Variants in ARHGAP24 observed in about 807,000 individuals in gnomAD.
ARHGAP24 encodes the protein rho GTPase-activating protein 24.
Under a neutral mutation model 76.4 loss-of-function variants are expected in ARHGAP24, and 50 were observed. The ratio of observed to expected loss-of-function variants is 0.65; its 90% confidence interval spans 0.52 to 0.83. The LOEUF is 0.83. Among genes scored for constraint, ARHGAP24 ranks in the 40% least tolerant of loss-of-function variants. The probability of loss-of-function intolerance (pLI) is 0.00; values close to 1 mark genes in which losing one functional copy is unlikely to be tolerated. For synonymous variants in ARHGAP24, 345 were observed against 323.3 expected, an observed-to-expected ratio of 1.07 and a Z score of -0.72; for missense variants, 930 against 914.2, an observed-to-expected ratio of 1.02 and a Z score of -0.22.
At chr4:85,740,839 T>C (rs895309967) in intron 3 of ARHGAP24, among the ~76,000 whole-genome samples, 4 of 152,188 alleles carry the variant, frequency 2.6e-5, no homozygotes, top group South Asian at 2.1e-4. Flanking sequence ...TGTTGTCTTA[T>C]AGATGCAGCT....
chr4:85,720,103 G>A (rs1221991675), intron 2 of ARHGAP24, among the ~76,000 whole-genome samples: 9 of 151,234 alleles, frequency 6.0e-5, no homozygotes, highest in East Asian at 5.9e-4. Flanking sequence ...ATCACCCACC[G>A]GGGCCTGTTG....
intron 5 of ARHGAP24, among the ~76,000 whole-genome samples, chr4:85,964,041 G>A (rs1738425642): frequency 6.6e-6 from 1 of 152,034 alleles, no homozygotes; most frequent in African/African-American, 2.4e-5. Context: ...GTGGAGGTGA[G>A]TAATATAAAC....
chr4:85,824,566 A>T (rs377466978), intron 3 of ARHGAP24, among the ~76,000 whole-genome samples: 1 of 152,152 alleles, frequency 6.6e-6, no homozygotes, highest in Non-Finnish European at 1.5e-5. Flanking sequence ...CATCTTATTT[A>T]TTCTCCTCAC....
At position 85,536,973 on chromosome 4, in the gene ARHGAP24, G is replaced by A. The variant is rs76579378; in HGVS notation, c.-20-33549G>A. Among the ~76,000 whole-genome samples, 999 of 152,180 alleles carry A rather than the reference G, an allele frequency of 6.6e-3. 11 individuals carry two copies. The highest frequency in any genetic ancestry group is 0.023 in the African/African-American group (954 of 41,522). On this transcript the variant is annotated intron_variant, in intron 1 of 9. Transcript: ENST00000395184. ...TGCATTTCTACTGTGGACAATATGG[G>A]AGACCTTGGTATTCTAAGCACATGT...
At chr4:85,777,811 T>C (rs918647684) in intron 3 of ARHGAP24, among the ~76,000 whole-genome samples, 1 of 152,096 alleles carries the variant, frequency 6.6e-6, no homozygotes, top group Non-Finnish European at 1.5e-5. Context: ...TTCAAAAAGG[T>C]AATTTTAAAA....
rs73833236 is a variant in ARHGAP24 at position 85,754,825 on chromosome 4, G to A, written c.268+32853G>A. 1.0e-2 allele frequency among the ~76,000 whole-genome samples: 1,518 copies of A among 152,308 alleles called. 24 individuals are homozygous for A. Among genetic ancestry groups the A allele is most frequent in the African/African-American group, 0.034 (1,415 of 41,556 alleles). ...ACTGAATTTAGTCCTGGATGAAACT[G>A]TTGTTATCATGCGACACTGAGCAAG... On this transcript the variant is annotated intron_variant, in intron 3 of 9. Transcript: ENST00000395184.
chr4:85,941,799 A>G (rs980223837), intron 4 of ARHGAP24, among the ~76,000 whole-genome samples: 1 of 152,184 alleles, frequency 6.6e-6, no homozygotes, highest in East Asian at 1.9e-4. Context: ...AGTTTTTCTT[A>G]TTTCAAAATC....
intron 3 of ARHGAP24, chr4:85,778,675 T>C: frequency 4.1e-6 from 4 of 985,274 alleles, no homozygotes; most frequent in Non-Finnish European, 4.8e-6. Flanking sequence ...TAGGTTTTTT[T>C]TCCCCTCTCT....
At chr4:85,549,399 A>G (rs1374508093) in intron 1 of ARHGAP24, among the ~76,000 whole-genome samples, 2 of 151,638 alleles carry the variant, frequency 1.3e-5, no homozygotes, top group African/African-American at 4.8e-5. Flanking sequence ...CAATTCTCTG[A>G]TATCTAATGA....
At chr4:85,655,337 C>T (rs1242351309) in intron 2 of ARHGAP24, among the ~76,000 whole-genome samples, 1 of 152,094 alleles carries the variant, frequency 6.6e-6, no homozygotes, top group Non-Finnish European at 1.5e-5. Flanking sequence ...TATTATTGAA[C>T]AATGTTCTTT....
At chr4:85,788,949 G>C (rs1449948493) in intron 3 of ARHGAP24, among the ~76,000 whole-genome samples, 3 of 152,124 alleles carry the variant, frequency 2.0e-5, no homozygotes, top group Non-Finnish European at 4.4e-5. Context: ...TTTGGCCTTT[G>C]TTCCTTTCTC....
At chr4:85,687,801 A>G (rs993829455) in intron 2 of ARHGAP24, among the ~76,000 whole-genome samples, 4 of 151,708 alleles carry the variant, frequency 2.6e-5, no homozygotes, top group African/African-American at 9.7e-5. Flanking sequence ...TCCTGGGTCA[A>G]ATGGTAGTTC....
At chr4:85,547,333 G>A (rs945703771) in intron 1 of ARHGAP24, among the ~76,000 whole-genome samples, 8 of 152,210 alleles carry the variant, frequency 5.3e-5, no homozygotes, top group African/African-American at 1.7e-4. Context: ...ATCCATAATT[G>A]GATTCAGAAT....
At chr4:85,885,823 G>A (rs1360428009) in intron 3 of ARHGAP24, among the ~76,000 whole-genome samples, 1 of 152,056 alleles carries the variant, frequency 6.6e-6, no homozygotes, top group African/African-American at 2.4e-5. Context: ...TTTAAAGCTA[G>A]AGTTAGATGT....
intron 3 of ARHGAP24, among the ~76,000 whole-genome samples, chr4:85,831,063 A>G (rs1729972111): frequency 6.6e-6 from 1 of 152,198 alleles, no homozygotes; most frequent in African/African-American, 2.4e-5. Flanking sequence ...TATCAAATAC[A>G]TATATAATTC....
chr4:85,589,645 G>A (rs1451740355), intron 2 of ARHGAP24, among the ~76,000 whole-genome samples: 2 of 151,872 alleles, frequency 1.3e-5, no homozygotes, highest in African/African-American at 2.4e-5. Flanking sequence ...TGTTTCCTTC[G>A]CTTCCCAATA....
At chr4:85,513,649 G>C (rs1724373016) in intron 1 of ARHGAP24, among the ~76,000 whole-genome samples, 1 of 152,098 alleles carries the variant, frequency 6.6e-6, no homozygotes, top group Admixed American at 6.6e-5. Context: ...ACTTGAAATA[G>C]TTTTAACACC....
In ARHGAP24 at chr4:85,869,860, G is replaced by A. The variant is rs59528946; in HGVS notation, c.269-53788G>A. 4.8e-3 allele frequency among the ~76,000 whole-genome samples: 730 copies of A among 152,228 alleles called. 7 individuals are homozygous for A. Among genetic ancestry groups the A allele is most frequent in the African/African-American group, 0.017 (688 of 41,550 alleles). On this transcript the variant is annotated intron_variant, in intron 3 of 9. Transcript: ENST00000395184. ...AATTAGAATTCTTCAGAACAGCCCT[G>A]GAGGTCAGCTTATTATACATATGGC...
chr4:85,676,970 C>T (rs949846392), intron 2 of ARHGAP24, among the ~76,000 whole-genome samples: 4 of 152,132 alleles, frequency 2.6e-5, no homozygotes, highest in Non-Finnish European at 5.9e-5. Flanking sequence ...CCACTGCCTT[C>T]CTGAGGCTAC....
Sources: allele counts gnomAD v4.1 joint callset (sites outside exome capture counted in the v4.1 genomes callset), GRCh38; gene constraint gnomAD v4.1.1; transcripts MANE v1.5; gene names NCBI Gene and HGNC (gene_info 2026-07-23, HGNC 2026-07-21).